MID2: variants seen among roughly 807,000 people sequenced by gnomAD.
MID2 encodes the protein probable E3 ubiquitin-protein ligase MID2.
MID2 carries 13 observed loss-of-function variants against 46.1 expected under a neutral mutation model. That is an observed-to-expected ratio of 0.28 (90% CI 0.18 to 0.45). The LOEUF is 0.45. Among genes scored for constraint, MID2 ranks in the 20% least tolerant of loss-of-function variants. The pLI is 1.00. For synonymous variants in MID2, 199 were observed against 212.3 expected (o/e 0.94, Z 0.55); for missense variants, 431 against 575.4 (o/e 0.75, Z 2.57).
At position 107,841,073 on chromosome X, in the gene MID2, A is replaced by G. The variant is rs761230629; in HGVS notation, c.408A>G (p.Arg136=). Residue 136 remains arginine, a synonymous_variant, in exon 2 of 10, where the codon CGA becomes CGG. Transcript: ENST00000262843. The stretch of plus-strand genomic sequence containing the variant: ...CCACCACTGCCATGTCTAGCGAGCG[A>G]ATTGCTTGCCAATTCTGTGAGCAGG... ...YRPTTAMSSE[R]IACQFCEQDP... is the part of the protein sequence containing the mutation. 1 of 1,211,481 alleles carries G rather than the reference A, an allele frequency of 8.3e-7. No homozygotes were observed. Among genetic ancestry groups the G allele is most frequent in the Non-Finnish European group, 1.1e-6 (1 of 895,470 alleles).
intron 3 of MID2, 46 bp downstream of exon 3, chrX:107,854,750 G>A (rs1931704105): frequency 1.0e-6 from 1 of 981,691 alleles, no homozygotes; most frequent in East Asian, 3.1e-5. Context: ...CCTGAAATGG[G>A]TGACCCTTTG....
At chrX:107,890,205 A>G (rs1439247972) in intron 3 of MID2, among the ~76,000 whole-genome samples, 1 of 111,565 alleles carries the variant, frequency 9.0e-6, no homozygotes, top group African/African-American at 3.3e-5. Flanking sequence ...TGATTTTTAG[A>G]GTTTCCAGTT....
intron 3 of MID2, among the ~76,000 whole-genome samples, chrX:107,890,310 T>C (rs987622234): frequency 3.6e-5 from 4 of 112,258 alleles, no homozygotes; most frequent in African/African-American, 1.3e-4. Flanking sequence ...TGGATGTCCT[T>C]TCTGTTTATT....
At chrX:107,855,926 A>G (rs1931730224) in intron 3 of MID2, among the ~76,000 whole-genome samples, 1 of 111,986 alleles carries the variant, frequency 8.9e-6, no homozygotes, top group Non-Finnish European at 1.9e-5. Context: ...GGATTAGGGA[A>G]GAAGCATAAG....
intron 5 of MID2, among the ~76,000 whole-genome samples, chrX:107,910,194 CT>C (rs1011762683): frequency 9.0e-6 from 1 of 111,699 alleles, no homozygotes; most frequent in Non-Finnish European, 1.9e-5. Context: ...CCATTCTACT[CT>C]CTATTTCTAT....
At chrX:107,914,550 G>A (rs1017363741) in intron 5 of MID2, among the ~76,000 whole-genome samples, 5 of 112,036 alleles carry the variant, frequency 4.5e-5, no homozygotes, top group Non-Finnish European at 9.4e-5. Flanking sequence ...CTTACAACTA[G>A]TTCACCATAA....
Position 107,861,436 on chromosome X carries a change from A to G in MID2, c.816+6732A>G, listed in dbSNP as rs1296689825. 1.8e-4 allele frequency among the ~76,000 whole-genome samples: 20 copies of G among 111,346 alleles called. No individual in the cohort carries two copies. The Admixed American group carries it at 1.9e-3, about 11-fold the overall frequency. On this transcript the variant is annotated intron_variant, in intron 3 of 9. Coordinates refer to ENST00000262843, the MANE Select transcript of MID2 (RefSeq NM_012216.4). ...GGAGGTCAAGACCAGCCTGGCCAACATGGTGAAACCCCATCTCTACAAAAA... is the reference window on the plus strand; with the variant it reads ...GGAGGTCAAGACCAGCCTGGCCAACGTGGTGAAACCCCATCTCTACAAAAA...
chrX:107,843,213 A>C (rs1420293727), intron 2 of MID2, among the ~76,000 whole-genome samples: 1 of 112,257 alleles, frequency 8.9e-6, no homozygotes. Flanking sequence ...TTGGGACTAT[A>C]ATAAGTCATT....
chrX:107,828,181 C>T (rs956197530), intron 1 of MID2, among the ~76,000 whole-genome samples: 3 of 111,415 alleles, frequency 2.7e-5, no homozygotes, highest in African/African-American at 9.8e-5. Flanking sequence ...GCTCCCCATT[C>T]GCCTCCCTCC....
chrX:107,917,546 C>T lies in MID2; in HGVS notation c.1242C>T (p.Ala414=). 8.3e-7 allele frequency: 1 copy of T among 1,211,182 alleles called. No individual in the cohort carries two copies. Among genetic ancestry groups the T allele is most frequent in the Non-Finnish European group, 1.1e-6 (1 of 895,120 alleles). The change falls in exon 7 of 10, where the codon GCC becomes GCT. Residue 414 remains alanine (A), a synonymous_variant. Transcript: ENST00000262843. ...PPSIREELCT[A]SHDTITVHWI... The stretch of plus-strand genomic sequence containing the variant: ...CTATCCGAGAAGAACTCTGTACTGC[C>T]TCCCATGACACCATTACAGTCCACT...
At chrX:107,891,280 T>A (rs1438813602) in intron 3 of MID2, among the ~76,000 whole-genome samples, 1 of 83,090 alleles carries the variant, frequency 1.2e-5, no homozygotes, top group Non-Finnish European at 2.2e-5. Context: ...GTTTTATACC[T>A]TTTTTTTTTT....
chrX:107,830,729 C>CTAGCAAGT (rs1384754593), intron 1 of MID2, among the ~76,000 whole-genome samples: 1 of 112,010 alleles, frequency 8.9e-6, no homozygotes, highest in Non-Finnish European at 1.9e-5. Context: ...TTGGGTCATG[C>CTAGCAAGT]TAGCAAGTGA....
At chrX:107,913,719 GT>G in intron 5 of MID2, among the ~76,000 whole-genome samples, 2 of 110,826 alleles carry the variant, frequency 1.8e-5, no homozygotes, top group Non-Finnish European at 3.8e-5. Context: ...TTTTTGTTTT[GT>G]TTGTTTACAC....
At chrX:107,878,362 CTGCAGCTGTTGGGG>C (rs1932246618) in intron 3 of MID2, among the ~76,000 whole-genome samples, 1 of 89,097 alleles carries the variant, frequency 1.1e-5, no homozygotes. Context: ...CCATGCATGT[CTGCAGCTGTTGGGG>C]TGGGGGTGGG....
intron 7 of MID2, among the ~76,000 whole-genome samples, chrX:107,921,125 CG>C (rs1957011303): frequency 8.9e-6 from 1 of 111,805 alleles, no homozygotes; most frequent in Non-Finnish European, 1.9e-5. Flanking sequence ...ATTTAATTGT[CG>C]TATCTCTTTT....
At chrX:107,909,048 A>T (rs1932861329) in intron 5 of MID2, among the ~76,000 whole-genome samples, 1 of 110,821 alleles carries the variant, frequency 9.0e-6, no homozygotes, top group Admixed American at 9.6e-5. Flanking sequence ...CTATCAGGTA[A>T]TTTTTTACTG....
rs868588292 is a variant in MID2, at chrX:107,845,519, A to T, written c.720+4134A>T. Among the ~76,000 whole-genome samples, 81 of 82,121 alleles carry T rather than the reference A, an allele frequency of 9.9e-4. 1 individual carries two copies. The highest frequency in any genetic ancestry group is 3.4e-3 in the African/African-American group (37 of 10,838). The allele number at this position is 82,121 out of a possible 115,157, so 71.3% of individuals were successfully genotyped here. On this transcript the variant is annotated intron_variant, in intron 2 of 9. Coordinates refer to ENST00000262843, the MANE Select transcript of MID2 (RefSeq NM_012216.4). ...CACACACACACACACACACACACAC[A>T]CACACACTCTCTCTCTCTCTCTCTC...
chrX:107,870,720 G>A (rs187756087), intron 3 of MID2, among the ~76,000 whole-genome samples: 16 of 104,902 alleles, frequency 1.5e-4, no homozygotes, highest in South Asian at 4.1e-4. Context: ...AAGTTTTCAC[G>A]CCATGGAAAT....
intron 3 of MID2, among the ~76,000 whole-genome samples, chrX:107,881,131 A>T (rs192166671): frequency 1.8e-5 from 2 of 112,702 alleles, no homozygotes; most frequent in African/African-American, 6.4e-5. Flanking sequence ...TTCCTTTACC[A>T]TGCTGTTAGA....
Sources: gnomAD v4.1 joint callset for allele counts (sites outside exome capture counted in the v4.1 genomes callset) on GRCh38, gnomAD v4.1.1 for gene constraint, MANE v1.5 for transcripts, NCBI Gene and HGNC (gene_info 2026-07-23, HGNC 2026-07-21) for gene names.